The following MC2R variants were observed in gnomAD, a reference collection of about 807,000 sequenced individuals.
The protein encoded by MC2R is melanocortin 2 receptor.
In MC2R, 9 loss-of-function variants were observed where a neutral mutation model predicts 9.8. That is an observed-to-expected ratio of 0.92 (90% CI 0.55 to 1.60). The LOEUF is 1.60. Ranked by LOEUF, MC2R falls within the 40% of genes most tolerant of loss-of-function variation. The pLI is 0.00. For missense variants in MC2R, 370 were observed against 389.0 expected, an observed-to-expected ratio of 0.95 and a Z score of 0.41; for synonymous variants, 185 against 154.7, an observed-to-expected ratio of 1.20 and a Z score of -1.45.
At chr18:13,891,568 T>A (rs2045315796) in intron 1 of MC2R, among the ~76,000 whole-genome samples, 1 of 152,234 alleles carries the variant, frequency 6.6e-6, no homozygotes. Context: ...GCCCCTTCCC[T>A]AGCCTCTTCA....
At chr18:13,888,929 C>T (rs532058709) in intron 1 of MC2R, among the ~76,000 whole-genome samples, 74 of 152,328 alleles carry the variant, frequency 4.9e-4, no homozygotes, top group African/African-American at 1.1e-3. Flanking sequence ...CATTCAAAGC[C>T]GTCTGCTGTC....
At chr18:13,886,991 G>A (rs2045280440) in intron 1 of MC2R, among the ~76,000 whole-genome samples, 1 of 152,356 alleles carries the variant, frequency 6.6e-6, no homozygotes, top group South Asian at 2.1e-4. Context: ...TGAGGGTTCT[G>A]CCTGGAATGG....
chr18:13,891,829 A>G (rs1015623248), intron 1 of MC2R, among the ~76,000 whole-genome samples: 2 of 152,136 alleles, frequency 1.3e-5, no homozygotes, highest in Non-Finnish European at 2.9e-5. Flanking sequence ...CATTTGACAG[A>G]GGGAGGGAGT....
chr18:13,897,234 A>G (rs1462657097), intron 1 of MC2R, among the ~76,000 whole-genome samples: 1 of 152,200 alleles, frequency 6.6e-6, no homozygotes, highest in Non-Finnish European at 1.5e-5. Flanking sequence ...ATTGTGAAAC[A>G]TTGAACTCAG....
intron 1 of MC2R, among the ~76,000 whole-genome samples, chr18:13,914,474 C>T (rs2045464772): frequency 6.6e-6 from 1 of 152,254 alleles, no homozygotes; most frequent in African/African-American, 2.4e-5. Context: ...ACCACCGCTT[C>T]ACTCCCACTC....
At chr18:13,903,935 T>A (rs892163422) in intron 1 of MC2R, among the ~76,000 whole-genome samples, 11 of 152,314 alleles carry the variant, frequency 7.2e-5, no homozygotes, top group African/African-American at 2.4e-4. Context: ...TGCTGTTTCT[T>A]AGATCTCTAT....
At chr18:13,886,723 G>A (rs2045278422) in intron 1 of MC2R, among the ~76,000 whole-genome samples, 1 of 152,196 alleles carries the variant, frequency 6.6e-6, no homozygotes, top group Non-Finnish European at 1.5e-5. Flanking sequence ...TCTCTGGGGT[G>A]AAGGCGGACT....
rs2045259142 is a variant in MC2R, at chr18:13,884,500, G to T, written c.*125C>A. ...AGCTATTAGAAACACTAGCTGGTGG[G>T]ATCATCCTTGCATCCATTAGGGAAG... On this transcript the variant is annotated 3_prime_UTR_variant, in exon 2 of 2. Coordinates refer to ENST00000327606, the MANE Select transcript of MC2R (RefSeq NM_000529.2). 2 of 1,048,952 alleles carry T rather than the reference G, an allele frequency of 1.9e-6. No homozygotes were observed. The highest frequency in any genetic ancestry group is 2.6e-5 in the South Asian group (2 of 77,396). The allele number at this position is 1,048,952 out of a possible 1,614,324, so 65.0% of individuals were successfully genotyped here.
chr18:13,888,535 G>A (rs1471061641), intron 1 of MC2R, among the ~76,000 whole-genome samples: 1 of 152,238 alleles, frequency 6.6e-6, no homozygotes, highest in East Asian at 1.9e-4. Flanking sequence ...GGATACAGCA[G>A]AGCCCGCCTT....
chr18:13,887,071 C>T (rs1232661969), intron 1 of MC2R, among the ~76,000 whole-genome samples: 1 of 152,248 alleles, frequency 6.6e-6, no homozygotes, highest in African/African-American at 2.4e-5. Flanking sequence ...TCAGGAACCA[C>T]CTCAGTCCTG....
Position 13,884,967 on chromosome 18 carries a change from C to A in MC2R, c.552G>T (p.Leu184=), listed in dbSNP as rs2045265212. The A allele has an allele frequency of 6.2e-7, 1 of 1,614,118 alleles. No homozygotes were observed. The highest frequency in any genetic ancestry group is 8.5e-7 in the Non-Finnish European group (1 of 1,180,022). ...TVITFTSLFP[L]MLVFILCLYV... ...AGAGGCACAGGATGAAGACCAGCAT[C>A]AGCGGGAACAGCGACGTGAAGGTGA... Residue 184 remains leucine, a synonymous_variant, in exon 2 of 2, where the codon CTG becomes CTT. Coordinates refer to ENST00000327606, the MANE Select transcript of MC2R (RefSeq NM_000529.2).
At chr18:13,909,255 C>G (rs966128261) in intron 1 of MC2R, among the ~76,000 whole-genome samples, 2 of 152,104 alleles carry the variant, frequency 1.3e-5, no homozygotes, top group African/African-American at 4.8e-5. Flanking sequence ...ATGGACCTTG[C>G]GGGAGGAAGA....
intron 1 of MC2R, among the ~76,000 whole-genome samples, chr18:13,887,105 C>T (rs1327136828): frequency 1.3e-5 from 2 of 152,236 alleles, no homozygotes; most frequent in Admixed American, 6.5e-5. Flanking sequence ...GAGTCACCTT[C>T]GTGCCTCCTG....
intron 1 of MC2R, among the ~76,000 whole-genome samples, chr18:13,892,805 TACACACACACACACAC>T (rs34352644): frequency 4.3e-4 from 64 of 147,224 alleles, no homozygotes; most frequent in African/African-American, 1.4e-3. Context: ...CATAATCTGT[TACACACACACACACAC>T]ACACACACAC....
At chr18:13,914,510 G>A (rs2045465129) in intron 1 of MC2R, among the ~76,000 whole-genome samples, 1 of 152,228 alleles carries the variant, frequency 6.6e-6, no homozygotes, top group Admixed American at 6.5e-5. Context: ...GAGGGCATGT[G>A]AGGAGCACTC....
chr18:13,903,877 G>A (rs1041310353), intron 1 of MC2R, among the ~76,000 whole-genome samples: 1 of 152,026 alleles, frequency 6.6e-6, no homozygotes, highest in African/African-American at 2.4e-5. Flanking sequence ...AAAACAGGAG[G>A]ATGAAAATGC....
At position 13,884,820 on chromosome 18, in the gene MC2R, G is replaced by A; in HGVS notation, c.699C>T (p.Ala233=). 1 of 1,614,012 alleles carries A rather than the reference G, an allele frequency of 6.2e-7. No individual in the cohort carries two copies. The highest frequency in any genetic ancestry group is 8.5e-7 in the Non-Finnish European group (1 of 1,180,028). Residue 233 remains alanine (A), a synonymous_variant, in exon 2 of 2, where the codon GCC becomes GCT. Coordinates refer to ENST00000327606, the MANE Select transcript of MC2R (RefSeq NM_000529.2). The part of the protein sequence containing the change: ...ILLGVFIFCW[A]PFVLHVLLMT... ...TCAAGAGGACATGAAGCACAAAGGG[G>A]GCCCAGCAGAAGATGAAGACCCCGA...
At chr18:13,906,893 C>T (rs1191997341) in intron 1 of MC2R, among the ~76,000 whole-genome samples, 1 of 152,228 alleles carries the variant, frequency 6.6e-6, no homozygotes, top group South Asian at 2.1e-4. Flanking sequence ...TAAAACAGAA[C>T]AATATTCTAT....
intron 1 of MC2R, among the ~76,000 whole-genome samples, chr18:13,905,796 G>A (rs1349202662): frequency 3.9e-5 from 6 of 152,134 alleles, no homozygotes; most frequent in Admixed American, 6.5e-5. Context: ...GATGGTTCAC[G>A]CCTGTAATCC....
Sources: gnomAD v4.1 joint callset for allele counts (sites outside exome capture counted in the v4.1 genomes callset) on GRCh38, gnomAD v4.1.1 for gene constraint, MANE v1.5 for transcripts, NCBI Gene and HGNC (gene_info 2026-07-23, HGNC 2026-07-21) for gene names.